DOCK4: variants seen among roughly 807,000 people sequenced by gnomAD.
The protein encoded by DOCK4 is dedicator of cytokinesis protein 4.
In DOCK4, 97 loss-of-function variants were observed where a neutral mutation model predicts 268.1. The observed-to-expected ratio is 0.36, with a 90% CI of 0.31 to 0.43. The LOEUF is 0.43. DOCK4 is among the 20% of genes least tolerant of loss of function. The pLI, the probability that DOCK4 is intolerant of heterozygous loss-of-function variation, is 1.00. For missense variants in DOCK4, 2,145 were observed against 2,455.7 expected (o/e 0.87, Z 2.67); for synonymous variants, 954 against 887.2 (o/e 1.08, Z -1.34).
At chr7:112,022,278 C>G (rs1261613478) in intron 1 of DOCK4, among the ~76,000 whole-genome samples, 1 of 152,220 alleles carries the variant, frequency 6.6e-6, no homozygotes, top group African/African-American at 2.4e-5. Flanking sequence ...TACAAGTACT[C>G]CTCACAGCAA....
chr7:111,924,668 T>C (rs1276352150), intron 12 of DOCK4, among the ~76,000 whole-genome samples: 1 of 152,178 alleles, frequency 6.6e-6, no homozygotes. Flanking sequence ...CTCACACCTA[T>C]AATCCTTTGG....
chr7:111,841,860 A>C (rs898103024), intron 25 of DOCK4, among the ~76,000 whole-genome samples: 2 of 152,190 alleles, frequency 1.3e-5, no homozygotes. Flanking sequence ...TGAAGACCAC[A>C]TGTATCCCAT....
intron 23 of DOCK4, among the ~76,000 whole-genome samples, chr7:111,859,660 C>T (rs933580580): frequency 6.7e-6 from 1 of 148,766 alleles, no homozygotes; most frequent in African/African-American, 2.5e-5. Flanking sequence ...CTCCGCCTCC[C>T]GGGTTCACGC....
In DOCK4 at chr7:112,152,238, G is replaced by C. The variant is rs1175089949; in HGVS notation, c.37+53864C>G. The stretch of plus-strand genomic sequence containing the variant: ...GACAATAAGACCATTCCATGACAGA[G>C]AGTATTAGCATTCAACTCATCTATA... On this transcript the variant is annotated intron_variant, in intron 1 of 52. Coordinates refer to ENST00000428084, the MANE Select transcript of DOCK4 (RefSeq NM_001363540.2). Among the ~76,000 whole-genome samples the C allele has an allele frequency of 3.9e-5, 6 of 152,158 alleles. No homozygotes were observed. The East Asian group carries it at 9.6e-4, about 24-fold the overall frequency.
At chr7:111,892,020 ATG>A (rs1490662001) in intron 16 of DOCK4, among the ~76,000 whole-genome samples, 2 of 152,178 alleles carry the variant, frequency 1.3e-5, no homozygotes, top group Non-Finnish European at 2.9e-5. Context: ...TCAGTTTGAA[ATG>A]TGTTTCAGCC....
intron 1 of DOCK4, among the ~76,000 whole-genome samples, chr7:112,088,163 C>T (rs1355638888): frequency 1.3e-5 from 2 of 152,022 alleles, no homozygotes; most frequent in South Asian, 2.1e-4. Flanking sequence ...AGCATAAAAT[C>T]ACATCTTCAG....
intron 14 of DOCK4, among the ~76,000 whole-genome samples, chr7:111,900,845 C>T (rs1294561180): frequency 3.9e-5 from 6 of 152,170 alleles, no homozygotes; most frequent in Non-Finnish European, 8.8e-5. Context: ...TAGTCAAAAG[C>T]CTGTTTTGTG....
At chr7:111,829,403 A>C (rs927155441) in intron 26 of DOCK4, among the ~76,000 whole-genome samples, 1 of 152,204 alleles carries the variant, frequency 6.6e-6, no homozygotes, top group African/African-American at 2.4e-5. Context: ...AGCATCAGTC[A>C]ATCTCATGGC....
At chr7:112,187,035 C>G (rs1225650269) in intron 1 of DOCK4, among the ~76,000 whole-genome samples, 1 of 151,862 alleles carries the variant, frequency 6.6e-6, no homozygotes, top group Non-Finnish European at 1.5e-5. Context: ...AAAATAAAAA[C>G]CAGAAATACT....
intron 23 of DOCK4, 59 bp downstream of exon 23, chr7:111,863,313 T>G (rs755649579): frequency 6.3e-7 from 1 of 1,594,648 alleles, no homozygotes; most frequent in South Asian, 1.1e-5. Flanking sequence ...GACCAATGGC[T>G]ACAAAATATA....
intron 1 of DOCK4, among the ~76,000 whole-genome samples, chr7:112,109,744 C>CTTT (rs36043991): frequency 4.3e-5 from 5 of 115,182 alleles, no homozygotes; most frequent in Non-Finnish European, 7.0e-5. Context: ...GTAAAATCAT[C>CTTT]TTTTTTTTTT....
At position 111,973,156 on chromosome 7, in the gene DOCK4, CATATATATAT is replaced by C. The variant is rs144045255; in HGVS notation, c.701+3966_701+3975del. The stretch of plus-strand genomic sequence containing the variant: ...TATATGGCTGACTAGTATTCCATGG[CATATATATAT>C]ATATATATATATATATATATAATAT... On this transcript the variant is annotated intron_variant, in intron 8 of 52. Coordinates refer to ENST00000428084, the MANE Select transcript of DOCK4 (RefSeq NM_001363540.2). 1.9e-3 allele frequency among the ~76,000 whole-genome samples: 218 copies of C among 114,054 alleles called. 4 individuals carry two copies. Among genetic ancestry groups the C allele is most frequent in the African/African-American group, 6.5e-3 (179 of 27,706 alleles). 74.8% of individuals were successfully genotyped at this position (114,054 alleles called of 152,430 possible).
intron 1 of DOCK4, among the ~76,000 whole-genome samples, chr7:112,025,074 A>G (rs1283530183): frequency 6.6e-6 from 1 of 152,224 alleles, no homozygotes; most frequent in Non-Finnish European, 1.5e-5. Flanking sequence ...AGAAATGTTG[A>G]AGACCAACCT....
In DOCK4 at chr7:111,919,413, C is replaced by T. The variant is rs145079588; in HGVS notation, c.1067-3509G>A. On this transcript the variant is annotated intron_variant, in intron 12 of 52. Transcript: ENST00000428084. ...TAGGAGACAGTCGACAGAGAGGAGT[C>T]GGTCAGTGGAGAAGGGAAGGGAATG... Among the ~76,000 whole-genome samples the T allele has an allele frequency of 4.6e-5, 7 of 151,920 alleles. No individual in the cohort carries two copies. In the East Asian group the frequency reaches 1.4e-3, roughly 29 times the overall value.
intron 1 of DOCK4, among the ~76,000 whole-genome samples, chr7:112,128,793 C>T (rs1009425799): frequency 3.3e-5 from 5 of 151,934 alleles, no homozygotes; most frequent in Admixed American, 3.3e-4. Flanking sequence ...GCCGCAGGGT[C>T]CTCTGCCTGG....
chr7:111,875,021 C>T (rs17451013), intron 17 of DOCK4, among the ~76,000 whole-genome samples: 23,778 of 152,196 alleles, frequency 0.16, 2,052 homozygotes, highest in Non-Finnish European at 0.19. Context: ...TAGATTACTT[C>T]GACACAAAGA....
chr7:111,915,244 T>C (rs945513288), intron 13 of DOCK4, among the ~76,000 whole-genome samples: 1 of 152,174 alleles, frequency 6.6e-6, no homozygotes, highest in African/African-American at 2.4e-5. Context: ...TTTTCTACTT[T>C]TGGGGAATTT....
intron 30 of DOCK4, among the ~76,000 whole-genome samples, chr7:111,796,137 A>C (rs1799881020): frequency 6.6e-6 from 1 of 152,094 alleles, no homozygotes. Context: ...CTCCCCAGAG[A>C]CCTTACACCA....
chr7:112,112,278 C>T (rs559528219), intron 1 of DOCK4, among the ~76,000 whole-genome samples: 24 of 152,252 alleles, frequency 1.6e-4, no homozygotes, highest in Middle Eastern at 3.4e-3. Flanking sequence ...CCCTCTCTCA[C>T]CCTGTGAAAC....
Sources: allele counts gnomAD v4.1 joint callset (sites outside exome capture counted in the v4.1 genomes callset), GRCh38; gene constraint gnomAD v4.1.1; transcripts MANE v1.5; gene names NCBI Gene and HGNC (gene_info 2026-07-23, HGNC 2026-07-21).